ACADM: variants seen among roughly 807,000 people sequenced by gnomAD.
The protein encoded by ACADM is medium-chain specific acyl-CoA dehydrogenase, mitochondrial.
Under a neutral mutation model 58.9 loss-of-function variants are expected in ACADM, and 49 were observed. The observed-to-expected ratio is 0.83, with a 90% confidence interval of 0.66 to 1.06. The LOEUF (loss-of-function observed/expected upper bound fraction) is 1.06. Ranked by LOEUF, ACADM falls within the 50% of genes least tolerant of loss-of-function variation. The probability of loss-of-function intolerance (pLI) is 0.00; values close to 1 mark genes in which losing one functional copy is unlikely to be tolerated. For missense variants in ACADM, 496 were observed against 507.0 expected, an observed-to-expected ratio of 0.98 and a Z score of 0.21; for synonymous variants, 160 against 157.7, an observed-to-expected ratio of 1.01 and a Z score of -0.11.
chr1:75,745,942 C>A, intron 8 of ACADM, 28 bp downstream of exon 8: 2 of 1,472,452 alleles, frequency 1.4e-6, no homozygotes, highest in Non-Finnish European at 1.9e-6. Flanking sequence ...GATTAGGGCC[C>A]CAAATATTAT....
chr1:75,752,031 CA>C (rs1210435710), intron 10 of ACADM, among the ~76,000 whole-genome samples: 1 of 150,610 alleles, frequency 6.6e-6, no homozygotes, highest in East Asian at 1.9e-4. Context: ...CTTGGTTGCC[CA>C]AATGCGAGTG....
intron 10 of ACADM, among the ~76,000 whole-genome samples, chr1:75,758,756 C>T (rs1349612484): frequency 6.6e-6 from 1 of 152,162 alleles, no homozygotes; most frequent in Non-Finnish European, 1.5e-5. Flanking sequence ...AATCAGCGCT[C>T]TGTGTCTAGC....
Position 75,732,747 on chromosome 1 carries a change from T to C in ACADM, c.216+6T>C. On this transcript the variant is annotated splice_donor_region_variant and intron_variant, in intron 3 of 11. Coordinates refer to ENST00000370841, the MANE Select transcript of ACADM (RefSeq NM_000016.6). ...AATATGATAAAACTGGTGAAGTAGG[T>C]ATATACATTTTAAAGAGGGAAAAAT... 6.2e-7 allele frequency: 1 copy of C among 1,611,274 alleles called. No individual in the cohort carries two copies. Among genetic ancestry groups the C allele is most frequent in the Non-Finnish European group, 8.5e-7 (1 of 1,177,404 alleles).
chr1:75,741,107 A>G lies in ACADM; in HGVS notation c.599+997A>G, dbSNP rs1174208115. On this transcript the variant is annotated intron_variant, in intron 7 of 11. Transcript: ENST00000370841. ...GTCATGGGAAATACTGTATTTACCC[A>G]TCACTACAAGTATATAGAGAGTTTC... is the stretch of plus-strand genomic sequence containing the variant. Among the ~76,000 whole-genome samples the G allele has an allele frequency of 2.0e-5, 3 of 152,232 alleles. No homozygotes were observed. In the East Asian group the frequency reaches 5.8e-4, roughly 29 times the overall value.
intron 2 of ACADM, among the ~76,000 whole-genome samples, chr1:75,729,628 G>T (rs1349852942): frequency 6.6e-6 from 1 of 151,016 alleles, no homozygotes; most frequent in Non-Finnish European, 1.5e-5. Context: ...TGAGTAGCTG[G>T]GACTACAGGT....
intron 8 of ACADM, among the ~76,000 whole-genome samples, chr1:75,746,675 T>G (rs1647922197): frequency 6.6e-6 from 1 of 151,300 alleles, no homozygotes; most frequent in Non-Finnish European, 1.5e-5. Context: ...CTCAGCTCAC[T>G]GCAACCTCTG....
At chr1:75,736,926 A>G (rs1025384458) in intron 6 of ACADM, among the ~76,000 whole-genome samples, 4 of 152,052 alleles carry the variant, frequency 2.6e-5, no homozygotes, top group Non-Finnish European at 5.9e-5. Context: ...TTTTATGTAC[A>G]TCTTTATTTA....
Position 75,762,761 on chromosome 1 carries a change from TAA to T in ACADM, c.*4_*5del. The T allele has an allele frequency of 6.4e-7, 1 of 1,573,046 alleles. No homozygotes were observed. The highest frequency in any genetic ancestry group is 8.7e-7 in the Non-Finnish European group (1 of 1,144,484). Reference sequence around the variant, plus strand: ...TGAACACATTGACAAGTACAAAAATTAAAAAAATTACTGTAGAAATATTGAAT... The same window carrying T: ...TGAACACATTGACAAGTACAAAAATTAAAAATTACTGTAGAAATATTGAAT... ...AREHIDKYKN[*>X] is the part of the protein sequence containing the mutation. On this transcript the variant is annotated frameshift_variant and stop_lost, in exon 12 of 12. Coordinates refer to ENST00000370841, the MANE Select transcript of ACADM (RefSeq NM_000016.6). LOFTEE classifies it high-confidence loss of function.
rs760185676 is a variant in ACADM at position 75,732,628 on chromosome 1, A to T, written c.119-16A>T. 6.9e-6 allele frequency: 11 copies of T among 1,601,346 alleles called. No homozygotes were observed. Among genetic ancestry groups the T allele is most frequent in the Non-Finnish European group, 9.4e-6 (11 of 1,168,446 alleles). On this transcript the variant is annotated splice_polypyrimidine_tract_variant and intron_variant, in intron 2 of 11. Transcript: ENST00000370841. ...TTGTTATCCAGTTTTAACTTTTCTA[A>T]ATAATTTTCCCTTAGAGTTCACCGA...
intron 10 of ACADM, among the ~76,000 whole-genome samples, chr1:75,759,513 T>C (rs953669055): frequency 5.9e-5 from 9 of 152,222 alleles, no homozygotes; most frequent in African/African-American, 2.2e-4. Flanking sequence ...GAGCACTTAC[T>C]ATCCCTTATT....
chr1:75,744,394 A>G (rs768975442), intron 7 of ACADM: 1 of 1,520,008 alleles, frequency 6.6e-7, no homozygotes, highest in Non-Finnish European at 9.1e-7. Context: ...CCCATCAGGT[A>G]CGAAAAGAGC....
chr1:75,750,390 C>T, intron 9 of ACADM, 61 bp from the exon 10 acceptor site: 1 of 1,332,184 alleles, frequency 7.5e-7, no homozygotes, highest in Non-Finnish European at 1.1e-6. Flanking sequence ...GACACTTAGG[C>T]AGATATTGTG....
chr1:75,760,137 G>T (rs970407671), intron 10 of ACADM, among the ~76,000 whole-genome samples: 2 of 151,158 alleles, frequency 1.3e-5, no homozygotes, highest in Non-Finnish European at 3.0e-5. Context: ...AGAAAAAAAA[G>T]AGGCCGAGTG....
intron 10 of ACADM, among the ~76,000 whole-genome samples, chr1:75,758,578 T>C (rs2100444245): frequency 6.6e-6 from 1 of 152,238 alleles, no homozygotes; most frequent in African/African-American, 2.4e-5. Context: ...AGCTAGATGA[T>C]TGTAAACACA....
chr1:75,737,400 A>G (rs1056085237), intron 6 of ACADM, among the ~76,000 whole-genome samples: 1 of 149,982 alleles, frequency 6.7e-6, no homozygotes, highest in Non-Finnish European at 1.5e-5. Flanking sequence ...TTGTATAGAA[A>G]AAAACAGGCT....
chr1:75,727,208 ACT>A (rs1647070357), intron 1 of ACADM, among the ~76,000 whole-genome samples: 1 of 152,212 alleles, frequency 6.6e-6, no homozygotes, highest in Non-Finnish European at 1.5e-5. Flanking sequence ...TTTGGAAAGC[ACT>A]GTTTCAATTA....
At chr1:75,734,202 T>C (rs60915781) in intron 5 of ACADM, among the ~76,000 whole-genome samples, 4,502 of 141,746 alleles carry the variant, frequency 0.032, 155 homozygotes, top group African/African-American at 0.067. Flanking sequence ...CTCACTCTGT[T>C]GCCCAGGCTG....
At chr1:75,739,833 T>G in intron 6 of ACADM, 147 bp from the exon 7 acceptor site, 1 of 579,580 alleles carries the variant, frequency 1.7e-6, no homozygotes, top group Non-Finnish European at 2.8e-6. Flanking sequence ...ATTTGAGTGG[T>G]TTCTTTGATT....
At position 75,728,419 on chromosome 1, in the gene ACADM, C is replaced by T. The variant is rs1389882916; in HGVS notation, c.49C>T (p.Arg17Cys). The T allele has an allele frequency of 6.8e-6, 11 of 1,612,846 alleles. No homozygotes were observed. The highest frequency in any genetic ancestry group is 3.3e-5 in the South Asian group (3 of 90,936). ...TTTACAGGTCCTGAGAAGTATTTCT[C>T]GTTTTCATTGGAGATCACAGCATAC... ...RCCRVLRSIS[R>C]FHWRSQHTKA... The change falls in exon 2 of 12, where the codon CGT (arginine) becomes TGT (cysteine). Residue 17 changes from arginine (R) to cysteine (C), a missense_variant. Transcript: ENST00000370841.
Sources: allele counts gnomAD v4.1 joint callset (sites outside exome capture counted in the v4.1 genomes callset), GRCh38; gene constraint gnomAD v4.1.1; transcripts MANE v1.5; gene names NCBI Gene and HGNC (gene_info 2026-07-23, HGNC 2026-07-21).